FOXP2: variants seen among roughly 807,000 people sequenced by gnomAD.
FOXP2 encodes the protein forkhead box protein P2.
Under a neutral mutation model 115.8 loss-of-function variants are expected in FOXP2, and 12 were observed. The observed-to-expected ratio is 0.10, with a 90% CI of 0.07 to 0.17. The LOEUF (loss-of-function observed/expected upper bound fraction) is 0.17. Ranked by LOEUF, FOXP2 falls within the 10% of genes least tolerant of loss-of-function variation. The pLI is 1.00. For missense variants in FOXP2, 629 were observed against 843.5 expected (o/e 0.75, Z 3.15); for synonymous variants, 328 against 297.7 (o/e 1.10, Z -1.05).
At chr7:114,403,626 A>G (rs955503407) in intron 2 of FOXP2, among the ~76,000 whole-genome samples, 32 of 152,220 alleles carry the variant, frequency 2.1e-4, no homozygotes, top group African/African-American at 7.5e-4. Flanking sequence ...TAGTGATACA[A>G]GGATACTATA....
chr7:114,178,083 C>T (rs1196067001), intron 1 of FOXP2, among the ~76,000 whole-genome samples: 1 of 151,734 alleles, frequency 6.6e-6, no homozygotes, highest in African/African-American at 2.4e-5. Context: ...TGTAATGATG[C>T]CTCTCTAAAA....
At chr7:114,493,656 A>G (rs1019540449) in intron 2 of FOXP2, among the ~76,000 whole-genome samples, 1 of 151,810 alleles carries the variant, frequency 6.6e-6, no homozygotes, top group African/African-American at 2.4e-5. Context: ...CCACACACAC[A>G]TACTCTCTCT....
chr7:114,690,130 T>A lies in FOXP2; in HGVS notation c.*204T>A. ...GCTTGTTTTCTTCTTCTTCTTCTTC[T>A]TTTTTTTTTTTTTTTTAGAAAAAAA... On this transcript the variant is annotated 3_prime_UTR_variant, in exon 17 of 17. Coordinates refer to ENST00000350908, the MANE Select transcript of FOXP2 (RefSeq NM_014491.4). 13 of 56,334 alleles carry A rather than the reference T, an allele frequency of 2.3e-4. No homozygotes were observed. The highest frequency in any genetic ancestry group is 1.1e-3 in the East Asian group (2 of 1,756). 3.5% of individuals were successfully genotyped at this position (56,334 alleles called of 1,614,324 possible). A position where few individuals can be genotyped will look rare whatever the true frequency, so the allele number is the denominator to read the frequency against.
intron 2 of FOXP2, among the ~76,000 whole-genome samples, chr7:114,290,294 TA>T (rs771019215): frequency 5.3e-5 from 8 of 151,978 alleles, no homozygotes; most frequent in Non-Finnish European, 1.0e-4. Context: ...ACATGGGAAC[TA>T]AAATGTTTCA....
intron 3 of FOXP2, among the ~76,000 whole-genome samples, chr7:114,595,748 A>C (rs2129310640): frequency 6.6e-6 from 1 of 152,066 alleles, no homozygotes; most frequent in Non-Finnish European, 1.5e-5. Flanking sequence ...AGGATCAACA[A>C]CCTAATCATT....
intron 16 of FOXP2, among the ~76,000 whole-genome samples, chr7:114,679,651 T>C (rs1469438117): frequency 6.6e-6 from 1 of 151,910 alleles, no homozygotes; most frequent in Non-Finnish European, 1.5e-5. Flanking sequence ...CCATGCACTC[T>C]CAGGGTTCCC....
intron 9 of FOXP2, among the ~76,000 whole-genome samples, chr7:114,653,695 G>C (rs1300531256): frequency 6.6e-6 from 1 of 152,052 alleles, no homozygotes; most frequent in Non-Finnish European, 1.5e-5. Flanking sequence ...TTGACAAAAA[G>C]ATGAAGTGTT....
intron 2 of FOXP2, among the ~76,000 whole-genome samples, chr7:114,523,369 C>T (rs1348051207): frequency 6.6e-6 from 1 of 152,176 alleles, no homozygotes; most frequent in South Asian, 2.1e-4. Flanking sequence ...CCTGCACTAA[C>T]CAAGGCCTCT....
chr7:114,685,313 T>A (rs920646007), intron 16 of FOXP2, among the ~76,000 whole-genome samples: 3 of 152,146 alleles, frequency 2.0e-5, no homozygotes, highest in Non-Finnish European at 4.4e-5. Flanking sequence ...CTTTAATACA[T>A]AGTATTAGTT....
intron 6 of FOXP2, among the ~76,000 whole-genome samples, chr7:114,635,173 A>G (rs997515676): frequency 1.3e-5 from 2 of 152,202 alleles, no homozygotes; most frequent in Non-Finnish European, 2.9e-5. Context: ...TGTGCCGAAG[A>G]TAGTCTTTGG....
At chr7:114,373,709 C>T (rs895967115) in intron 2 of FOXP2, among the ~76,000 whole-genome samples, 4 of 152,196 alleles carry the variant, frequency 2.6e-5, no homozygotes, top group Non-Finnish European at 4.4e-5. Context: ...GAAGAAGAAA[C>T]TGTAGATATC....
intron 1 of FOXP2, among the ~76,000 whole-genome samples, chr7:114,255,519 C>T (rs548193111): frequency 3.3e-5 from 5 of 152,300 alleles, no homozygotes; most frequent in South Asian, 2.1e-4. Flanking sequence ...AGCCTAGCTG[C>T]GGCCTTGCAG....
intron 2 of FOXP2, among the ~76,000 whole-genome samples, chr7:114,377,528 TAG>T (rs1792172056): frequency 6.6e-6 from 1 of 152,224 alleles, no homozygotes; most frequent in Admixed American, 6.5e-5. Context: ...TTAGTGCTAT[TAG>T]AAATGTGCAG....
intron 2 of FOXP2, among the ~76,000 whole-genome samples, chr7:114,387,435 G>C (rs778701476): frequency 6.6e-6 from 1 of 152,142 alleles, no homozygotes; most frequent in Non-Finnish European, 1.5e-5. Context: ...ATTCTGACTT[G>C]TTAAGAATTT....
At chr7:114,669,805 T>G (rs1319794204) in intron 16 of FOXP2, 1 of 152,090 alleles carries the variant, frequency 6.6e-6, no homozygotes, top group African/African-American at 2.4e-5. Context: ...AATTTAATGA[T>G]GTACCCACCA....
At chr7:114,199,612 A>G (rs1292529653) in intron 1 of FOXP2, among the ~76,000 whole-genome samples, 2 of 152,204 alleles carry the variant, frequency 1.3e-5, no homozygotes, top group African/African-American at 4.8e-5. Context: ...TGGTTATCAC[A>G]TCTGCAAAAT....
intron 6 of FOXP2, among the ~76,000 whole-genome samples, chr7:114,637,686 TA>T: frequency 6.6e-6 from 1 of 152,166 alleles, no homozygotes; most frequent in South Asian, 2.1e-4. Context: ...GTAAAATATA[TA>T]GTGGTGAGCG....
At chr7:114,620,015 T>A (rs1281532891) in intron 3 of FOXP2, among the ~76,000 whole-genome samples, 1 of 152,062 alleles carries the variant, frequency 6.6e-6, no homozygotes, top group African/African-American at 2.4e-5. Context: ...TGGAGAAAAC[T>A]GTCTCTGATA....
chr7:114,286,611 T>C (rs961003296), intron 1 of FOXP2, among the ~76,000 whole-genome samples: 5 of 152,020 alleles, frequency 3.3e-5, no homozygotes, highest in Admixed American at 3.3e-4. Flanking sequence ...GGCCTGCTAA[T>C]GTAGAAAATT....
Sources: allele counts gnomAD v4.1 joint callset (sites outside exome capture counted in the v4.1 genomes callset), GRCh38; gene constraint gnomAD v4.1.1; transcripts MANE v1.5; gene names NCBI Gene and HGNC (gene_info 2026-07-23, HGNC 2026-07-21).